Variants in CDH4 observed in about 807,000 individuals in gnomAD.
CDH4 encodes the protein cadherin 4.
CDH4 carries 33 observed loss-of-function variants against 86.0 expected under a neutral mutation model. That is an observed-to-expected ratio of 0.38 (90% CI 0.29 to 0.51). The LOEUF is 0.51. Among genes scored for constraint, CDH4 ranks in the 20% least tolerant of loss-of-function variants. The probability of loss-of-function intolerance (pLI) is 0.86; values close to 1 mark genes in which losing one functional copy is unlikely to be tolerated. For missense variants in CDH4, 1,114 were observed against 1,307.4 expected (o/e 0.85, Z 2.28); for synonymous variants, 555 against 549.4 (o/e 1.01, Z -0.14).
At chr20:61,371,422 A>G (rs1336688717) in intron 2 of CDH4, among the ~76,000 whole-genome samples, 3 of 152,220 alleles carry the variant, frequency 2.0e-5, no homozygotes, top group Non-Finnish European at 2.9e-5. Context: ...TTGTCCCCGC[A>G]GGTAAGAAGT....
rs534117406 is a variant in CDH4 at position 61,516,718 on chromosome 20, C to T, written c.170-226845C>T. ...ACAGGCTCAGGGTGCAATGTCAAAC[C>T]GCGGCCCTGCCCGAGAGCAGGCACT... is the stretch of plus-strand genomic sequence containing the variant. On this transcript the variant is annotated intron_variant, in intron 2 of 15. Transcript: ENST00000614565. This position sits in a 1 kb window ranked among gnomAD's most constrained non-coding sequence, Gnocchi z 4.0. Among the ~76,000 whole-genome samples the T allele has an allele frequency of 6.2e-4, 94 of 152,318 alleles. No individual in the cohort carries two copies. Among genetic ancestry groups the T allele is most frequent in the Admixed American group, 1.4e-3 (21 of 15,304 alleles).
rs1271414005 is a variant in CDH4, at chr20:61,269,763, G to A, written c.169+14826G>A. On this transcript the variant is annotated intron_variant, in intron 2 of 15. Coordinates refer to ENST00000614565, the MANE Select transcript of CDH4 (RefSeq NM_001794.5). The surrounding 1 kb of genome is among the most constrained non-coding windows in gnomAD (Gnocchi z 5.3). ...TGCCTGGCTGCTGATATTTGGGAAA[G>A]GTGAGTTGCTCTCCCAACCCCAGGC... Among the ~76,000 whole-genome samples, 1 of 152,158 alleles carries A rather than the reference G, an allele frequency of 6.6e-6. No individual in the cohort carries two copies. The highest frequency in any genetic ancestry group is 2.4e-5 in the African/African-American group (1 of 41,442).
chr20:61,486,278 G>A (rs549642607), intron 2 of CDH4, among the ~76,000 whole-genome samples: 11 of 152,374 alleles, frequency 7.2e-5, no homozygotes, highest in African/African-American at 2.2e-4. Context: ...CTGAAGCTCA[G>A]CATCAGGCTT....
At chr20:61,397,683 A>C (rs566486616) in intron 2 of CDH4, among the ~76,000 whole-genome samples, 27 of 152,126 alleles carry the variant, frequency 1.8e-4, no homozygotes, top group Non-Finnish European at 3.7e-4. Flanking sequence ...ACTGCACTAT[A>C]GTTTTTGTTA....
chr20:61,576,802 T>C (rs567640922), intron 2 of CDH4, among the ~76,000 whole-genome samples: 1 of 152,304 alleles, frequency 6.6e-6, no homozygotes, highest in South Asian at 2.1e-4. Flanking sequence ...GTGCGTGGAT[T>C]TCTCTGTGGC....
At chr20:61,774,590 G>A (rs1179253179) in intron 4 of CDH4, among the ~76,000 whole-genome samples, 1 of 152,174 alleles carries the variant, frequency 6.6e-6, no homozygotes, top group Non-Finnish European at 1.5e-5. Context: ...GTAAACGTGT[G>A]CCATGGTGGT....
At chr20:61,855,814 G>T (rs550871468) in intron 6 of CDH4, among the ~76,000 whole-genome samples, 2 of 152,210 alleles carry the variant, frequency 1.3e-5, no homozygotes, top group Non-Finnish European at 2.9e-5. Context: ...CCGGGACCCC[G>T]GAGTCAGCCC....
At chr20:61,492,143 CGA>C (rs888895662) in intron 2 of CDH4, among the ~76,000 whole-genome samples, 2 of 128,826 alleles carry the variant, frequency 1.6e-5, no homozygotes, top group African/African-American at 6.0e-5. Context: ...TTGGTGGTGT[CGA>C]TATTGCTGAT....
In CDH4 at chr20:61,272,027, G is replaced by A. The variant is rs541605410; in HGVS notation, c.169+17090G>A. 2.6e-4 allele frequency among the ~76,000 whole-genome samples: 39 copies of A among 152,326 alleles called. 1 individual carries two copies. The highest frequency in any genetic ancestry group is 9.1e-4 in the African/African-American group (38 of 41,572). On this transcript the variant is annotated intron_variant, in intron 2 of 15. Transcript: ENST00000614565. ...GCAAGGCGCTGCTCTTGTACTTGGT[G>A]GCTTCCTTCTTTCACTTAAAATTGT...
intron 4 of CDH4, among the ~76,000 whole-genome samples, chr20:61,804,840 T>C (rs1259523573): frequency 6.6e-6 from 1 of 152,182 alleles, no homozygotes; most frequent in East Asian, 1.9e-4. Flanking sequence ...AAGCCAACTC[T>C]AAAAGGCAGA....
intron 4 of CDH4, among the ~76,000 whole-genome samples, chr20:61,776,850 C>T (rs989540059): frequency 4.6e-5 from 7 of 152,180 alleles, no homozygotes; most frequent in African/African-American, 1.4e-4. Context: ...GTCACATGAC[C>T]ACGTCTAATT....
chr20:61,901,496 C>T (rs1011287368), intron 8 of CDH4, among the ~76,000 whole-genome samples: 6 of 152,378 alleles, frequency 3.9e-5, no homozygotes, highest in Admixed American at 2.6e-4. Flanking sequence ...CCAGCCCCGT[C>T]GGGGGGCGCA....
intron 2 of CDH4, among the ~76,000 whole-genome samples, chr20:61,578,862 C>A (rs2086404142): frequency 6.6e-6 from 1 of 152,068 alleles, no homozygotes; most frequent in South Asian, 2.1e-4. Context: ...TCTAGATCCT[C>A]CGGTCAAGCA....
At chr20:61,764,214 G>A (rs1335966845) in intron 3 of CDH4, among the ~76,000 whole-genome samples, 1 of 152,238 alleles carries the variant, frequency 6.6e-6, no homozygotes, top group Non-Finnish European at 1.5e-5. Flanking sequence ...AGCACAGGCC[G>A]CCGCAGGGTG....
At chr20:61,923,726 C>G (rs765027924) in intron 10 of CDH4, 22 bp downstream of exon 10, 3 of 1,607,988 alleles carry the variant, frequency 1.9e-6, no homozygotes, top group African/African-American at 1.3e-5. Flanking sequence ...GGACATGCCT[C>G]GTCCCTGCCT....
At chr20:61,589,179 C>A (rs150685201) in intron 2 of CDH4, among the ~76,000 whole-genome samples, 4 of 152,278 alleles carry the variant, frequency 2.6e-5, no homozygotes, top group Admixed American at 2.0e-4. Flanking sequence ...AATCTCTGAT[C>A]TCTGATTAAC....
chr20:61,865,054 C>T (rs766249526), intron 6 of CDH4, among the ~76,000 whole-genome samples: 7 of 152,172 alleles, frequency 4.6e-5, no homozygotes, highest in East Asian at 1.9e-4. Flanking sequence ...AATCTGTGTG[C>T]GCCCAGACCT....
intron 2 of CDH4, among the ~76,000 whole-genome samples, chr20:61,384,704 A>G (rs112932143): frequency 2.2e-3 from 333 of 152,264 alleles, no homozygotes; most frequent in African/African-American, 7.7e-3. Flanking sequence ...AATCCTACCC[A>G]TTAAGTTTTA....
At chr20:61,732,661 G>T (rs376255769) in intron 2 of CDH4, among the ~76,000 whole-genome samples, 10 of 152,340 alleles carry the variant, frequency 6.6e-5, no homozygotes, top group African/African-American at 2.4e-4. Context: ...ACCTAGCCAG[G>T]CACGTCCAGC....
Sources: allele counts gnomAD v4.1 joint callset (sites outside exome capture counted in the v4.1 genomes callset), GRCh38; gene constraint gnomAD v4.1.1; non-coding constraint Gnocchi (gnomAD v3.1); transcripts MANE v1.5; gene names NCBI Gene and HGNC (gene_info 2026-07-23, HGNC 2026-07-21).